Variants in VAV3 observed in about 807,000 individuals in gnomAD.
The protein encoded by VAV3 is vav guanine nucleotide exchange factor 3.
In VAV3, 94 loss-of-function variants were observed where a neutral mutation model predicts 131.2. That is an observed-to-expected ratio of 0.72 (90% CI 0.61 to 0.85). The LOEUF is 0.85. Ranked by LOEUF, VAV3 falls within the 40% of genes least tolerant of loss-of-function variation. The pLI is 0.00. For missense variants in VAV3, 939 were observed against 1,002.7 expected (o/e 0.94, Z 0.86); for synonymous variants, 349 against 342.0 (o/e 1.02, Z -0.22).
At chr1:107,606,154 C>G (rs1308379959) in intron 22 of VAV3, among the ~76,000 whole-genome samples, 4 of 152,088 alleles carry the variant, frequency 2.6e-5, no homozygotes, top group African/African-American at 9.7e-5. Context: ...AGTCCCACAT[C>G]TATGAAAATA....
chr1:107,588,093 G>A (rs1480120781), intron 25 of VAV3, among the ~76,000 whole-genome samples: 3 of 152,132 alleles, frequency 2.0e-5, no homozygotes, highest in Non-Finnish European at 4.4e-5. Flanking sequence ...CTGGATACTG[G>A]TTGCTAACTT....
At chr1:107,888,451 C>T (rs1041518724) in intron 1 of VAV3, among the ~76,000 whole-genome samples, 2 of 152,160 alleles carry the variant, frequency 1.3e-5, no homozygotes, top group Non-Finnish European at 2.9e-5. Flanking sequence ...TACCCTGAGA[C>T]ACTTTTTGTT....
chr1:107,688,044 G>A (rs982186866), intron 18 of VAV3, among the ~76,000 whole-genome samples: 5 of 152,082 alleles, frequency 3.3e-5, no homozygotes, highest in African/African-American at 9.7e-5. Context: ...GGCAAATGTC[G>A]GGCAGTGACA....
intron 19 of VAV3, among the ~76,000 whole-genome samples, chr1:107,671,271 C>T (rs1026105634): frequency 1.1e-4 from 16 of 152,184 alleles, no homozygotes; most frequent in African/African-American, 3.1e-4. Flanking sequence ...ATGATCACAA[C>T]GGTTAATATC....
chr1:107,847,276 T>C (rs749968890), intron 2 of VAV3, among the ~76,000 whole-genome samples: 4 of 152,194 alleles, frequency 2.6e-5, no homozygotes, highest in Non-Finnish European at 5.9e-5. Flanking sequence ...TAAAGCAGTG[T>C]TGAGAAGGAA....
chr1:107,938,262 T>C (rs1271400977), intron 1 of VAV3, among the ~76,000 whole-genome samples: 2 of 152,060 alleles, frequency 1.3e-5, no homozygotes, highest in African/African-American at 4.8e-5. Context: ...GTCCCCACCT[T>C]CTATCCTTCA....
intron 15 of VAV3, among the ~76,000 whole-genome samples, chr1:107,740,226 G>A (rs1662928927): frequency 1.3e-5 from 2 of 151,648 alleles, no homozygotes; most frequent in Non-Finnish European, 2.9e-5. Context: ...GGTGGAGGTT[G>A]CACTGAGCTG....
At chr1:107,607,024 G>A (rs7514117) in intron 22 of VAV3, among the ~76,000 whole-genome samples, 53,449 of 148,932 alleles carry the variant, frequency 0.36, 9,869 homozygotes, top group Middle Eastern at 0.44. Flanking sequence ...GTGTGATCTC[G>A]GCTGCCTGCA....
chr1:107,580,662 T>C (rs1174934582), intron 25 of VAV3, among the ~76,000 whole-genome samples: 1 of 152,132 alleles, frequency 6.6e-6, no homozygotes, highest in African/African-American at 2.4e-5. Flanking sequence ...TGCCTTTGGG[T>C]CCTTAATTCC....
chr1:107,706,619 A>C (rs147772674), intron 15 of VAV3, among the ~76,000 whole-genome samples: 2 of 152,322 alleles, frequency 1.3e-5, no homozygotes, highest in African/African-American at 4.8e-5. Context: ...GGATCTAGAA[A>C]CAAAACTTTC....
At chr1:107,912,562 C>T (rs1003083809) in intron 1 of VAV3, among the ~76,000 whole-genome samples, 1 of 152,174 alleles carries the variant, frequency 6.6e-6, no homozygotes, top group Non-Finnish European at 1.5e-5. Flanking sequence ...GCCTGAGATC[C>T]GATTTCCCAA....
At chr1:107,911,444 C>T (rs1672363421) in intron 1 of VAV3, among the ~76,000 whole-genome samples, 2 of 152,154 alleles carry the variant, frequency 1.3e-5, no homozygotes, top group South Asian at 4.1e-4. Context: ...AATGCTGTGT[C>T]TCCCATAAAC....
chr1:107,664,233 G>A (rs1015059185), intron 19 of VAV3, among the ~76,000 whole-genome samples: 1 of 152,018 alleles, frequency 6.6e-6, no homozygotes, highest in East Asian at 1.9e-4. Flanking sequence ...TGCAAGATGT[G>A]CAGGTTTGTT....
intron 19 of VAV3, among the ~76,000 whole-genome samples, chr1:107,664,095 A>T (rs372561088): frequency 6.6e-6 from 1 of 152,116 alleles, no homozygotes; most frequent in Non-Finnish European, 1.5e-5. Flanking sequence ...CTCTTTCTTA[A>T]TGGTTTAATA....
intron 17 of VAV3, among the ~76,000 whole-genome samples, chr1:107,703,503 T>C (rs78329309): frequency 0.079 from 12,052 of 152,200 alleles, 622 homozygotes; most frequent in Non-Finnish European, 0.12. Flanking sequence ...CCAAGATCTG[T>C]CACTTTATAG....
chr1:107,790,626 A>G (rs1380742056), intron 2 of VAV3, among the ~76,000 whole-genome samples: 1 of 151,926 alleles, frequency 6.6e-6, no homozygotes, highest in Non-Finnish European at 1.5e-5. Flanking sequence ...ATTTTCATAC[A>G]AAAGTACAAA....
rs964635455 is a variant in VAV3, at chr1:107,609,521, C to T, written c.2015+410G>A. On this transcript the variant is annotated intron_variant, in intron 22 of 26. Coordinates refer to ENST00000370056, the MANE Select transcript of VAV3 (RefSeq NM_006113.5). ...CTGCACTCCATCCTGGGTGACAGAG[C>T]AAGACCCCATCTCTAAAACTATAAA... The T allele has an allele frequency of 4.1e-4, 63 of 153,138 alleles. 1 individual carries two copies. The highest frequency in any genetic ancestry group is 1.2e-4 in the Non-Finnish European group (8 of 69,472). The allele number at this position is 153,138 out of a possible 1,614,324, so 9.5% of individuals were successfully genotyped here.
At chr1:107,769,454 GCA>G (rs1432472273) in intron 6 of VAV3, among the ~76,000 whole-genome samples, 1 of 152,106 alleles carries the variant, frequency 6.6e-6, no homozygotes, top group East Asian at 1.9e-4. Context: ...AATAATGCTT[GCA>G]TACTTTCACT....
At chr1:107,774,583 A>C (rs1320895223) in intron 4 of VAV3, among the ~76,000 whole-genome samples, 2 of 152,224 alleles carry the variant, frequency 1.3e-5, no homozygotes, top group African/African-American at 4.8e-5. Context: ...TATTTTTCAA[A>C]TGGTCAATAA....
Sources: allele counts gnomAD v4.1 joint callset (sites outside exome capture counted in the v4.1 genomes callset), GRCh38; gene constraint gnomAD v4.1.1; transcripts MANE v1.5; gene names NCBI Gene and HGNC (gene_info 2026-07-23, HGNC 2026-07-21).